Variants in RCAN2 observed in about 807,000 individuals in gnomAD.
The protein encoded by RCAN2 is regulator of calcineurin 2.
In RCAN2, 9 loss-of-function variants were observed where a neutral mutation model predicts 23.6. The ratio of observed to expected loss-of-function variants is 0.38; its 90% confidence interval spans 0.23 to 0.67. The LOEUF (loss-of-function observed/expected upper bound fraction) is 0.67, where lower values mean the gene tolerates loss of function less well. Among genes scored for constraint, RCAN2 ranks in the 30% least tolerant of loss-of-function variants. The pLI is 0.51. For synonymous variants in RCAN2, 109 were observed against 115.7 expected (o/e 0.94, Z 0.37); for missense variants, 273 against 302.3 (o/e 0.90, Z 0.72).
At chr6:46,330,005 T>C (rs1008475388) in intron 2 of RCAN2, among the ~76,000 whole-genome samples, 2 of 152,228 alleles carry the variant, frequency 1.3e-5, no homozygotes, top group African/African-American at 4.8e-5. Flanking sequence ...ATTACAGCTA[T>C]GGGTTGTCAA....
At chr6:46,284,143 C>T (rs1001631331) in intron 2 of RCAN2, among the ~76,000 whole-genome samples, 20 of 151,970 alleles carry the variant, frequency 1.3e-4, no homozygotes, top group African/African-American at 4.3e-4. Context: ...AAGGATAAAG[C>T]GATAGAGTTA....
At chr6:46,321,998 A>G (rs1763633761) in intron 2 of RCAN2, among the ~76,000 whole-genome samples, 1 of 152,224 alleles carries the variant, frequency 6.6e-6, no homozygotes, top group South Asian at 2.1e-4. Flanking sequence ...CCTGGGCTCC[A>G]TTCAGACCAG....
chr6:46,453,383 C>T (rs1582214525), intron 2 of RCAN2, among the ~76,000 whole-genome samples: 1 of 152,332 alleles, frequency 6.6e-6, no homozygotes, highest in Middle Eastern at 3.4e-3. Context: ...TGGACCACAA[C>T]AAGCCTCACT....
chr6:46,307,073 G>A (rs777023255), intron 2 of RCAN2, among the ~76,000 whole-genome samples: 3 of 152,066 alleles, frequency 2.0e-5, no homozygotes, highest in Non-Finnish European at 2.9e-5. Flanking sequence ...TAAAACCCAT[G>A]CAGAACTAGC....
chr6:46,351,400 T>C (rs1327824000), intron 2 of RCAN2, among the ~76,000 whole-genome samples: 1 of 152,204 alleles, frequency 6.6e-6, no homozygotes, highest in Non-Finnish European at 1.5e-5. Flanking sequence ...ATTAATCTTG[T>C]TATGATGGAC....
chr6:46,472,552 C>G (rs890274129), intron 1 of RCAN2, among the ~76,000 whole-genome samples: 1 of 152,068 alleles, frequency 6.6e-6, no homozygotes, highest in African/African-American at 2.4e-5. Flanking sequence ...ATGTTTAACT[C>G]CAGGATAAAT....
intron 2 of RCAN2, among the ~76,000 whole-genome samples, chr6:46,254,949 A>T (rs1310003492): frequency 1.3e-5 from 2 of 152,192 alleles, no homozygotes; most frequent in Non-Finnish European, 2.9e-5. Flanking sequence ...AGAAGCTAGG[A>T]AGAAGCAAAA....
chr6:46,222,217 A>G lies in RCAN2; in HGVS notation c.*924T>C. 1 of 380,086 alleles carries G rather than the reference A, an allele frequency of 2.6e-6. No homozygotes were observed. 23.5% of individuals were successfully genotyped at this position (380,086 alleles called of 1,614,324 possible). A position where few individuals can be genotyped will look rare whatever the true frequency, so the allele number is the denominator to read the frequency against. ...TAGTATATGAAGGCATTCATAAGCA[A>G]TGCACATTATGTTTTGAAGCAGCTA... is the stretch of plus-strand genomic sequence containing the variant. On this transcript the variant is annotated 3_prime_UTR_variant, in exon 5 of 5. Coordinates refer to ENST00000371374, the MANE Select transcript of RCAN2 (RefSeq NM_001251974.2).
At chr6:46,369,706 A>G (rs190190994) in intron 2 of RCAN2, among the ~76,000 whole-genome samples, 1 of 152,362 alleles carries the variant, frequency 6.6e-6, no homozygotes, top group East Asian at 1.9e-4. Flanking sequence ...AATGATAGCA[A>G]TGAATCAGAA....
At chr6:46,483,712 C>CA (rs1184723350) in intron 1 of RCAN2, among the ~76,000 whole-genome samples, 4 of 151,898 alleles carry the variant, frequency 2.6e-5, no homozygotes, top group East Asian at 1.9e-4. Flanking sequence ...TAAAAGCTAC[C>CA]AAAAAAACAC....
At chr6:46,427,735 G>C (rs778403457) in intron 2 of RCAN2, among the ~76,000 whole-genome samples, 32 of 152,200 alleles carry the variant, frequency 2.1e-4, no homozygotes, top group Admixed American at 1.3e-3. Context: ...AGAGGGCTTT[G>C]CATTTTCAAA....
chr6:46,274,150 C>G (rs1366213205), intron 2 of RCAN2, among the ~76,000 whole-genome samples: 1 of 152,178 alleles, frequency 6.6e-6, no homozygotes, highest in African/African-American at 2.4e-5. Flanking sequence ...TTACTTAAGA[C>G]AAGAAGGTAT....
At chr6:46,301,773 A>C (rs1762910004) in intron 2 of RCAN2, among the ~76,000 whole-genome samples, 1 of 152,090 alleles carries the variant, frequency 6.6e-6, no homozygotes, top group African/African-American at 2.4e-5. Flanking sequence ...AGAAAATTAA[A>C]GGCAGATAAT....
intron 2 of RCAN2, among the ~76,000 whole-genome samples, chr6:46,362,767 T>C (rs971862642): frequency 9.8e-5 from 15 of 152,314 alleles, no homozygotes; most frequent in African/African-American, 3.4e-4. Context: ...AATTCCTTCA[T>C]ATGCATTTTC....
At chr6:46,393,774 C>G (rs1766003995) in intron 2 of RCAN2, among the ~76,000 whole-genome samples, 2 of 152,120 alleles carry the variant, frequency 1.3e-5, no homozygotes, top group South Asian at 4.1e-4. Context: ...TCTCTTAACT[C>G]TTGGAACTCT....
intron 2 of RCAN2, among the ~76,000 whole-genome samples, chr6:46,260,706 C>T (rs1767083412): frequency 6.6e-6 from 1 of 152,160 alleles, no homozygotes; most frequent in Admixed American, 6.5e-5. Flanking sequence ...CCGGCTATGC[C>T]AAGCAAGGTA....
intron 1 of RCAN2, among the ~76,000 whole-genome samples, chr6:46,488,363 T>C (rs1304472098): frequency 6.6e-6 from 1 of 152,206 alleles, no homozygotes; most frequent in Non-Finnish European, 1.5e-5. Flanking sequence ...CCAGGTACAG[T>C]TCTAACTTCC....
At chr6:46,285,163 G>A (rs1277275346) in intron 2 of RCAN2, among the ~76,000 whole-genome samples, 1 of 152,180 alleles carries the variant, frequency 6.6e-6, no homozygotes, top group Non-Finnish European at 1.5e-5. Flanking sequence ...TGAATCTCTA[G>A]TTATGTGTGT....
chr6:46,440,109 T>C (rs1767491017), intron 2 of RCAN2, among the ~76,000 whole-genome samples: 1 of 152,206 alleles, frequency 6.6e-6, no homozygotes, highest in Non-Finnish European at 1.5e-5. Context: ...TCTCTAAGCC[T>C]TCAGAGTTCA....
Sources: gnomAD v4.1 joint callset for allele counts (sites outside exome capture counted in the v4.1 genomes callset) on GRCh38, gnomAD v4.1.1 for gene constraint, MANE v1.5 for transcripts, NCBI Gene and HGNC (gene_info 2026-07-23, HGNC 2026-07-21) for gene names.